The following LPGAT1 variants were observed in gnomAD, a reference collection of about 807,000 sequenced individuals.
The protein encoded by LPGAT1 is lysophosphatidylglycerol acyltransferase 1.
In LPGAT1, 11 loss-of-function variants were observed where a neutral mutation model predicts 47.5. The ratio of observed to expected loss-of-function variants is 0.23; its 90% CI spans 0.15 to 0.38. The LOEUF (loss-of-function observed/expected upper bound fraction) is 0.38. Among genes scored for constraint, LPGAT1 ranks in the 10% least tolerant of loss-of-function variants. LPGAT1 has a pLI of 1.00. For missense variants in LPGAT1, 293 were observed against 439.0 expected (o/e 0.67, Z 2.97); for synonymous variants, 138 against 144.2 (o/e 0.96, Z 0.31).
At chr1:211,798,453 G>T (rs1285617925) in intron 2 of LPGAT1, among the ~76,000 whole-genome samples, 1 of 152,126 alleles carries the variant, frequency 6.6e-6, no homozygotes, top group Non-Finnish European at 1.5e-5. Context: ...GGGAGGCCGA[G>T]GCAGGAGGAC....
At chr1:211,793,779 T>C (rs1659239020) in intron 2 of LPGAT1, among the ~76,000 whole-genome samples, 1 of 152,184 alleles carries the variant, frequency 6.6e-6, no homozygotes, top group African/African-American at 2.4e-5. Flanking sequence ...GAATTTATCC[T>C]ACAGAAACTT....
At chr1:211,783,541 C>A in intron 4 of LPGAT1, 39 bp from the exon 5 acceptor site, 3 of 1,521,672 alleles carry the variant, frequency 2.0e-6, no homozygotes, top group Non-Finnish European at 2.7e-6. Flanking sequence ...ACAGGTATAT[C>A]CAAAATTAAA....
At chr1:211,802,101 AAG>A (rs1259306459) in intron 2 of LPGAT1, among the ~76,000 whole-genome samples, 46 of 150,486 alleles carry the variant, frequency 3.1e-4, no homozygotes, top group African/African-American at 9.2e-4. Flanking sequence ...AAAAAAAAAA[AAG>A]AGAAAAAAAG....
intron 2 of LPGAT1, among the ~76,000 whole-genome samples, chr1:211,802,100 A>G (rs1199365206): frequency 2.6e-5 from 4 of 151,152 alleles, no homozygotes; most frequent in Non-Finnish European, 5.9e-5. Context: ...AAAAAAAAAA[A>G]AAGAGAAAAA....
intron 2 of LPGAT1, among the ~76,000 whole-genome samples, chr1:211,794,170 T>C (rs1318059557): frequency 6.6e-6 from 1 of 152,212 alleles, no homozygotes; most frequent in Non-Finnish European, 1.5e-5. Context: ...CACCTTAAAA[T>C]AATAAAACTA....
At chr1:211,810,020 G>C (rs1418172039) in intron 2 of LPGAT1, among the ~76,000 whole-genome samples, 1 of 152,218 alleles carries the variant, frequency 6.6e-6, no homozygotes, top group East Asian at 1.9e-4. Context: ...TATATAGTAA[G>C]GGTTTTGATC....
Position 211,792,868 on chromosome 1 carries a change from C to T in LPGAT1, c.357+204G>A, listed in dbSNP as rs533851780. Among the ~76,000 whole-genome samples the T allele has an allele frequency of 2.3e-4, 35 of 151,944 alleles. No homozygotes were observed. In the East Asian group the frequency reaches 6.2e-3, roughly 27 times the overall value. Reference sequence around the variant, plus strand: ...CTGGGACTACAGGTGCACACCACCACGCCCAGCTAATTTCTGTATTTTTAG... The same window carrying T: ...CTGGGACTACAGGTGCACACCACCATGCCCAGCTAATTTCTGTATTTTTAG... On this transcript the variant is annotated intron_variant, in intron 3 of 7. Coordinates refer to ENST00000366997, the MANE Select transcript of LPGAT1 (RefSeq NM_014873.3).
chr1:211,804,526 A>G (rs1169213806), intron 2 of LPGAT1, among the ~76,000 whole-genome samples: 1 of 152,208 alleles, frequency 6.6e-6, no homozygotes, highest in Non-Finnish European at 1.5e-5. Context: ...TTTATAGTAT[A>G]TCTTCCAGTT....
intron 6 of LPGAT1, among the ~76,000 whole-genome samples, chr1:211,767,122 CA>C (rs1303043537): frequency 2.0e-5 from 3 of 152,088 alleles, no homozygotes; most frequent in Admixed American, 6.6e-5. Flanking sequence ...TCCTGAATGA[CA>C]TCAAACTGAA....
At chr1:211,814,302 G>A (rs914106866) in intron 2 of LPGAT1, among the ~76,000 whole-genome samples, 13 of 152,302 alleles carry the variant, frequency 8.5e-5, no homozygotes, top group Non-Finnish European at 1.6e-4. Context: ...TTCAGAGGGA[G>A]GCAAAGAGTG....
intron 2 of LPGAT1, among the ~76,000 whole-genome samples, chr1:211,812,282 T>C (rs1042788310): frequency 6.6e-6 from 1 of 152,112 alleles, no homozygotes; most frequent in African/African-American, 2.4e-5. Context: ...ACCAGAGAAA[T>C]TAACCTAACC....
chr1:211,816,338 C>A (rs527780378), intron 2 of LPGAT1, among the ~76,000 whole-genome samples: 19 of 152,274 alleles, frequency 1.2e-4, no homozygotes, highest in African/African-American at 4.6e-4. Flanking sequence ...GTTTTGTTTG[C>A]CACTGTACTC....
chr1:211,800,035 TTTA>T (rs58672865), intron 2 of LPGAT1, among the ~76,000 whole-genome samples: 1 of 150,866 alleles, frequency 6.6e-6, no homozygotes, highest in Non-Finnish European at 1.5e-5. Flanking sequence ...ACTACCATTC[TTTA>T]TTATTATTAT....
rs879652506 is a variant in LPGAT1, at chr1:211,809,199, C to CAA, written c.239-16011_239-16010dup. On this transcript the variant is annotated intron_variant, in intron 2 of 7. Transcript: ENST00000366997. ...CAGCCTGGGCGACAGTGCGAGACTC[C>CAA]AAAAAAAAAAAATTAATTGTGTTAA... 2.1e-5 allele frequency among the ~76,000 whole-genome samples: 3 copies of CAA among 144,052 alleles called. No homozygotes were observed. In the South Asian group the frequency reaches 6.6e-4, roughly 32 times the overall value. 94.5% of individuals were successfully genotyped at this position (144,052 alleles called of 152,430 possible). A position where few individuals can be genotyped will look rare whatever the true frequency, so the allele number is the denominator to read the frequency against.
chr1:211,822,622 C>T (rs1290530847), intron 2 of LPGAT1, among the ~76,000 whole-genome samples: 1 of 151,704 alleles, frequency 6.6e-6, no homozygotes, highest in Non-Finnish European at 1.5e-5. Flanking sequence ...ACTAAACATA[C>T]AAAAAATTAG....
In LPGAT1 at chr1:211,786,982, G is replaced by A. The variant is rs1307624148; in HGVS notation, c.453+650C>T. 2.0e-5 allele frequency among the ~76,000 whole-genome samples: 3 copies of A among 152,180 alleles called. No individual in the cohort carries two copies. The East Asian group carries it at 5.8e-4, about 29-fold the overall frequency. On this transcript the variant is annotated intron_variant, in intron 4 of 7. Coordinates refer to ENST00000366997, the MANE Select transcript of LPGAT1 (RefSeq NM_014873.3). ...GTGGGGGATACTACATATTATTCAA[G>A]TTTGGAAAACAAGAAACTTGAGGAT...
At chr1:211,816,491 G>A (rs527515106) in intron 2 of LPGAT1, among the ~76,000 whole-genome samples, 4 of 152,106 alleles carry the variant, frequency 2.6e-5, no homozygotes, top group African/African-American at 9.6e-5. Flanking sequence ...TTCAGACTAC[G>A]GCCTAAATTA....
intron 2 of LPGAT1, among the ~76,000 whole-genome samples, chr1:211,819,191 A>T (rs1660280012): frequency 6.6e-6 from 1 of 152,178 alleles, no homozygotes; most frequent in Non-Finnish European, 1.5e-5. Flanking sequence ...CTAGGAGAAA[A>T]ACAAAAATAT....
At position 211,801,700 on chromosome 1, in the gene LPGAT1, C is replaced by T. The variant is rs548219192; in HGVS notation, c.239-8510G>A. Among the ~76,000 whole-genome samples the T allele has an allele frequency of 2.8e-3, 419 of 149,062 alleles. 2 individuals carry two copies. The highest frequency in any genetic ancestry group is 5.2e-3 in the South Asian group (24 of 4,650). ...TCCAGCCTGGGAGACAGAGCGAGAC[C>T]CTGTCTCTTAAAAAAGGGAAGGGGA... On this transcript the variant is annotated intron_variant, in intron 2 of 7. Coordinates refer to ENST00000366997, the MANE Select transcript of LPGAT1 (RefSeq NM_014873.3).
Sources: allele counts gnomAD v4.1 joint callset (sites outside exome capture counted in the v4.1 genomes callset), GRCh38; gene constraint gnomAD v4.1.1; transcripts MANE v1.5; gene names NCBI Gene and HGNC (gene_info 2026-07-23, HGNC 2026-07-21).